Variants in SNX33 observed in about 807,000 individuals in gnomAD.
The protein encoded by SNX33 is sorting nexin-33.
A neutral mutation model predicts 38.8 loss-of-function variants in SNX33; 19 were observed. That is an observed-to-expected ratio of 0.49 (90% CI 0.34 to 0.72). The LOEUF is 0.72. Among genes scored for constraint, SNX33 ranks in the 30% least tolerant of loss-of-function variants. The pLI is 0.01. For synonymous variants in SNX33, 246 were observed against 289.7 expected (o/e 0.85, Z 1.53); for missense variants, 641 against 776.4 (o/e 0.83, Z 2.07).
Position 75,657,053 on chromosome 15 carries a change from C to T in SNX33, c.1563C>T (p.Arg521=), listed in dbSNP as rs1453649083. The change falls in exon 2 of 2, where the codon CGC becomes CGT. Residue 521 remains arginine, a synonymous_variant. Coordinates refer to ENST00000308527, the MANE Select transcript of SNX33 (RefSeq NM_153271.2). This position sits in a 1 kb window ranked among gnomAD's most constrained non-coding sequence, Gnocchi z 5.5. ...DEADGIRRRC[R]VVGFALQAEM... ...CAGACGGCATTCGCAGGCGCTGCCG[C>T]GTGGTGGGTTTCGCCCTGCAGGCCG... The T allele has an allele frequency of 9.3e-6, 15 of 1,614,158 alleles. No individual in the cohort carries two copies. Among genetic ancestry groups the T allele is most frequent in the South Asian group, 2.2e-5 (2 of 91,086 alleles).
At chr15:75,651,251 A>G (rs1893576155) in intron 1 of SNX33, among the ~76,000 whole-genome samples, 1 of 152,140 alleles carries the variant, frequency 6.6e-6, no homozygotes, top group South Asian at 2.1e-4. Context: ...TCTCTTTATG[A>G]GCGTCTTGTC....
Position 75,648,509 on chromosome 15 carries a change from G to T in SNX33, c.-594G>T, listed in dbSNP as rs1377369988. ...TCAGGCGGCTGCTGCTTTTCTCCTT[G>T]CCCCTCTTGGATTTTCCGGATTTTT... On this transcript the variant is annotated 5_prime_UTR_variant, in exon 1 of 2. Coordinates refer to ENST00000308527, the MANE Select transcript of SNX33 (RefSeq NM_153271.2). The surrounding 1 kb of genome is among the most constrained non-coding windows in gnomAD (Gnocchi z 4.4). 2.0e-6 allele frequency: 2 copies of T among 985,310 alleles called. No individual in the cohort carries two copies. The highest frequency in any genetic ancestry group is 2.3e-4 in the East Asian group (2 of 8,822). The allele number at this position is 985,310 out of a possible 1,614,324, so 61.0% of individuals were successfully genotyped here. A position where few individuals can be genotyped will look rare whatever the true frequency, so the allele number is the denominator to read the frequency against.
At position 75,657,416 on chromosome 15, in the gene SNX33, C is replaced by A; in HGVS notation, c.*201C>A. The A allele has an allele frequency of 3.6e-6, 3 of 840,160 alleles. No homozygotes were observed. Among genetic ancestry groups the A allele is most frequent in the South Asian group, 1.8e-5 (1 of 57,118 alleles). The allele number at this position is 840,160 out of a possible 1,614,324, so 52.0% of individuals were successfully genotyped here. A position where few individuals can be genotyped will look rare whatever the true frequency, so the allele number is the denominator to read the frequency against. ...AATTCCCCACTCCTTAGAAGTGGGG[C>A]ACAGCAGGGGTGAGAATAGAGTCAG... On this transcript the variant is annotated 3_prime_UTR_variant, in exon 2 of 2. Coordinates refer to ENST00000308527, the MANE Select transcript of SNX33 (RefSeq NM_153271.2). This position sits in a 1 kb window ranked among gnomAD's most constrained non-coding sequence, Gnocchi z 5.5.
chr15:75,657,247 G>C lies in SNX33; in HGVS notation c.*32G>C. On this transcript the variant is annotated 3_prime_UTR_variant, in exon 2 of 2. Coordinates refer to ENST00000308527, the MANE Select transcript of SNX33 (RefSeq NM_153271.2). This position sits in a 1 kb window ranked among gnomAD's most constrained non-coding sequence, Gnocchi z 5.5. ...GTGCCTGGGCCCCCTCCTTCCCCTGGGCCTGGTCACTGCAGTGTACCCCAC... is the reference window on the plus strand; with the variant it reads ...GTGCCTGGGCCCCCTCCTTCCCCTGCGCCTGGTCACTGCAGTGTACCCCAC... 6.2e-7 allele frequency: 1 copy of C among 1,612,066 alleles called. No individual in the cohort carries two copies. The highest frequency in any genetic ancestry group is 8.5e-7 in the Non-Finnish European group (1 of 1,178,920).
rs141182223 is a variant in SNX33 at position 75,655,253 on chromosome 15, C to T, written c.1472-1709C>T. Among the ~76,000 whole-genome samples, 189 of 152,344 alleles carry T rather than the reference C, an allele frequency of 1.2e-3. 1 individual carries two copies. Among genetic ancestry groups the T allele is most frequent in the African/African-American group, 3.7e-3 (152 of 41,582 alleles). ...TTCCTGCCCCTCAGGGCCTTGGCCT[C>T]CTCTGTACAGTAGTAGGATGGAGGT... On this transcript the variant is annotated intron_variant, in intron 1 of 1. Transcript: ENST00000308527.
Position 75,649,174 on chromosome 15 carries a change from T to C in SNX33, c.72T>C (p.Asp24=). 1 of 1,614,000 alleles carries C rather than the reference T, an allele frequency of 6.2e-7. No homozygotes were observed. Among genetic ancestry groups the C allele is most frequent in the Non-Finnish European group, 8.5e-7 (1 of 1,179,936 alleles). ...ENKEEISIQQ[D]EDLVIFSETS... is the part of the protein sequence containing the mutation. ...AGGAGGAAATCAGCATCCAGCAGGA[T>C]GAGGACCTGGTCATCTTTAGCGAGA... The change falls in exon 1 of 2, where the codon GAT becomes GAC. Residue 24 remains aspartate (D), a synonymous_variant. Transcript: ENST00000308527. This position sits in a 1 kb window ranked among gnomAD's most constrained non-coding sequence, Gnocchi z 6.6.
At chr15:75,651,827 AG>A (rs1893584434) in intron 1 of SNX33, among the ~76,000 whole-genome samples, 1 of 152,170 alleles carries the variant, frequency 6.6e-6, no homozygotes, top group African/African-American at 2.4e-5. Context: ...GGGTGGGGCC[AG>A]GGGGCAGACC....
rs1434136536 is a variant in SNX33 at position 75,660,905 on chromosome 15, C to CA, written c.*3691dup. 2.6e-5 allele frequency: 4 copies of CA among 152,344 alleles called. No individual in the cohort carries two copies. The East Asian group carries it at 7.7e-4, about 29-fold the overall frequency. 9.4% of individuals were successfully genotyped at this position (152,344 alleles called of 1,614,324 possible). On this transcript the variant is annotated 3_prime_UTR_variant, in exon 2 of 2. Coordinates refer to ENST00000308527, the MANE Select transcript of SNX33 (RefSeq NM_153271.2). ...GTCACAAGCACCACATACAGGCACA[C>CA]AGCCTGAGGTCTAGGGATGCAATTG...
In SNX33 at chr15:75,660,119, A is replaced by C. The variant is rs1893705113; in HGVS notation, c.*2904A>C. 6.6e-6 allele frequency: 1 copy of C among 151,916 alleles called. No individual in the cohort carries two copies. The highest frequency in any genetic ancestry group is 1.9e-4 in the East Asian group (1 of 5,174). 9.4% of individuals were successfully genotyped at this position (151,916 alleles called of 1,614,324 possible). A position where few individuals can be genotyped will look rare whatever the true frequency, so the allele number is the denominator to read the frequency against. ...ACCCAGCTGCCTCGTTTCCTCCCTT[A>C]CTTTGCTCTGAGGGGGTGGAAAACA... On this transcript the variant is annotated 3_prime_UTR_variant, in exon 2 of 2. Coordinates refer to ENST00000308527, the MANE Select transcript of SNX33 (RefSeq NM_153271.2).
chr15:75,650,305 G>A lies in SNX33; in HGVS notation c.1203G>A (p.Glu401=). The A allele has an allele frequency of 6.3e-7, 1 of 1,594,712 alleles. No homozygotes were observed. The highest frequency in any genetic ancestry group is 8.6e-7 in the Non-Finnish European group (1 of 1,168,828). The change falls in exon 1 of 2, where the codon GAG becomes GAA. Residue 401 remains glutamate (E), a synonymous_variant. Coordinates refer to ENST00000308527, the MANE Select transcript of SNX33 (RefSeq NM_153271.2). The surrounding 1 kb of genome is among the most constrained non-coding windows in gnomAD (Gnocchi z 6.1). ...SVLQLSTVAS[E]LVRKHVGGFR... ...TGCAGCTCAGCACTGTGGCATCAGA[G>A]CTGGTGCGTAAACATGTGGGGGGCT...
At position 75,648,500 on chromosome 15, in the gene SNX33, T is replaced by A; in HGVS notation, c.-603T>A. On this transcript the variant is annotated 5_prime_UTR_variant, in exon 1 of 2. Coordinates refer to ENST00000308527, the MANE Select transcript of SNX33 (RefSeq NM_153271.2). The surrounding 1 kb of genome is among the most constrained non-coding windows in gnomAD (Gnocchi z 4.4). ...GGACTCGATTCAGGCGGCTGCTGCT[T>A]TTCTCCTTGCCCCTCTTGGATTTTC... 1.0e-6 allele frequency: 1 copy of A among 985,428 alleles called. No individual in the cohort carries two copies. The highest frequency in any genetic ancestry group is 1.2e-6 in the Non-Finnish European group (1 of 829,960). The allele number at this position is 985,428 out of a possible 1,614,324, so 61.0% of individuals were successfully genotyped here.
chr15:75,653,355 C>T (rs1423482333), intron 1 of SNX33, among the ~76,000 whole-genome samples: 3 of 152,112 alleles, frequency 2.0e-5, no homozygotes, highest in Non-Finnish European at 4.4e-5. Flanking sequence ...AATAGTGATC[C>T]CGGGACAACA....
At position 75,650,572 on chromosome 15, in the gene SNX33, AG is replaced by A; in HGVS notation, c.1471+1del. 6.3e-7 allele frequency: 1 copy of A among 1,592,332 alleles called. No individual in the cohort carries two copies. The highest frequency in any genetic ancestry group is 8.6e-7 in the Non-Finnish European group (1 of 1,168,722). ...TCCCTGACATCATCCATCTACAAAA[AG>A]GTAAGGCCCAGTGCAGGCAGGAAAC... The part of the protein sequence containing the change: ...NFPDIIHLQK[G>X]AFAKVKESQR... On this transcript the variant is annotated frameshift_variant and splice_region_variant, in exon 1 of 2. Transcript: ENST00000308527. LOFTEE classifies it high-confidence loss of function. This position sits in a 1 kb window ranked among gnomAD's most constrained non-coding sequence, Gnocchi z 6.1.
In SNX33 at chr15:75,650,548, C is replaced by G; in HGVS notation, c.1446C>G (p.Phe482Leu). ...TCTACCAGGGCCTGCTCTCCAACTTCCCTGACATCATCCATCTACAAAAAG... is the reference window on the plus strand; with the variant it reads ...TCTACCAGGGCCTGCTCTCCAACTTGCCTGACATCATCCATCTACAAAAAG... The part of the protein sequence containing the change: ...LSLYQGLLSN[F>L]PDIIHLQKGA... Residue 482 changes from phenylalanine (F) to leucine (L), a missense_variant, in exon 1 of 2, where the codon TTC (phenylalanine) becomes TTG (leucine). Physicochemically the swap from Phe to Leu is conservative, Grantham distance 22. This residue lies in a region of SNX33 where 398 missense variants were observed against 542.5 expected (regional missense o/e 0.73). Transcript: ENST00000308527. This position sits in a 1 kb window ranked among gnomAD's most constrained non-coding sequence, Gnocchi z 6.1. The G allele has an allele frequency of 6.2e-7, 1 of 1,603,080 alleles. No homozygotes were observed. Among genetic ancestry groups the G allele is most frequent in the Non-Finnish European group, 8.5e-7 (1 of 1,174,744 alleles).
In SNX33 at chr15:75,648,402, G is replaced by C. The variant is rs996697994; in HGVS notation, c.-701G>C. 1.1e-5 allele frequency: 11 copies of C among 985,316 alleles called. No individual in the cohort carries two copies. In the East Asian group the frequency reaches 6.8e-4, roughly 61 times the overall value. The allele number at this position is 985,316 out of a possible 1,614,324, so 61.0% of individuals were successfully genotyped here. A position where few individuals can be genotyped will look rare whatever the true frequency, so the allele number is the denominator to read the frequency against. ...CTGCGCAGCCGGGGTCGAAGAGTTG[G>C]CGGCCTGTTGTGTAAGCCTCAGTCC... On this transcript the variant is annotated 5_prime_UTR_variant, in exon 1 of 2. Transcript: ENST00000308527. This position sits in a 1 kb window ranked among gnomAD's most constrained non-coding sequence, Gnocchi z 4.4.
chr15:75,649,300 C>G lies in SNX33; in HGVS notation c.198C>G (p.Asn66Lys). 6.2e-7 allele frequency: 1 copy of G among 1,608,274 alleles called. No homozygotes were observed. Among genetic ancestry groups the G allele is most frequent in the Non-Finnish European group, 8.5e-7 (1 of 1,176,382 alleles). ...VEIVRSGIST[N>K]HADYSSSPAG... ...TCGTCCGTTCTGGCATCAGCACCAA[C>G]CATGCTGACTACTCCAGCAGCCCTG... The change falls in exon 1 of 2, where the codon AAC (asparagine) becomes AAG (lysine). Residue 66 changes from asparagine to lysine, a missense_variant. This residue lies in a region of SNX33 where 243 missense variants were observed against 233.9 expected (regional missense o/e 1.04). Coordinates refer to ENST00000308527, the MANE Select transcript of SNX33 (RefSeq NM_153271.2). This position sits in a 1 kb window ranked among gnomAD's most constrained non-coding sequence, Gnocchi z 6.6.
Position 75,658,140 on chromosome 15 carries a change from A to T in SNX33, c.*925A>T, listed in dbSNP as rs1279540493. The T allele has an allele frequency of 6.6e-6, 1 of 152,574 alleles. No homozygotes were observed. The highest frequency in any genetic ancestry group is 6.5e-5 in the Admixed American group (1 of 15,274). 9.5% of individuals were successfully genotyped at this position (152,574 alleles called of 1,614,324 possible). On this transcript the variant is annotated 3_prime_UTR_variant, in exon 2 of 2. Coordinates refer to ENST00000308527, the MANE Select transcript of SNX33 (RefSeq NM_153271.2). The surrounding 1 kb of genome is among the most constrained non-coding windows in gnomAD (Gnocchi z 4.1). ...CTCCTCGGACTCAAGGTGCTGAGGT[A>T]TAAGCCCTGGGCCCCAGATCCCTGG...
intron 1 of SNX33, among the ~76,000 whole-genome samples, chr15:75,655,338 G>A (rs1427129029): frequency 6.6e-6 from 1 of 152,216 alleles, no homozygotes; most frequent in Admixed American, 6.5e-5. Context: ...TCTCTTACTG[G>A]GTCCTATCCT....
chr15:75,650,260 G>A lies in SNX33; in HGVS notation c.1158G>A (p.Lys386=), dbSNP rs1051425750. 2 of 1,587,076 alleles carry A rather than the reference G, an allele frequency of 1.3e-6. No individual in the cohort carries two copies. Among genetic ancestry groups the A allele is most frequent in the African/African-American group, 2.7e-5 (2 of 74,280 alleles). The part of the protein sequence containing the change: ...DRVDTFKAFS[K]KMDDSVLQLS... ...TGGACACTTTCAAGGCCTTCAGTAA[G>A]AAGATGGACGACAGCGTCCTGCAGC... Residue 386 remains lysine, a synonymous_variant, in exon 1 of 2, where the codon AAG becomes AAA. Transcript: ENST00000308527. The surrounding 1 kb of genome is among the most constrained non-coding windows in gnomAD (Gnocchi z 6.1).
Sources: allele counts gnomAD v4.1 joint callset (sites outside exome capture counted in the v4.1 genomes callset), GRCh38; gene constraint gnomAD v4.1.1; regional missense constraint gnomAD v4.1.1; non-coding constraint Gnocchi (gnomAD v3.1); transcripts MANE v1.5; gene names NCBI Gene and HGNC (gene_info 2026-07-23, HGNC 2026-07-21).